The following ASPH variants were observed in gnomAD, a reference collection of about 807,000 sequenced individuals.
The protein encoded by ASPH is aspartate beta-hydroxylase.
ASPH carries 100 observed loss-of-function variants against 118.4 expected under a neutral mutation model. That is an observed-to-expected ratio of 0.84 (90% CI 0.72 to 1.00). The LOEUF is 1.00. Among genes scored for constraint, ASPH ranks in the 50% least tolerant of loss-of-function variants. The pLI, the probability that ASPH is intolerant of heterozygous loss-of-function variation, is 0.00. For missense variants in ASPH, 920 were observed against 919.5 expected (o/e 1.00, Z -0.01); for synonymous variants, 315 against 325.6 (o/e 0.97, Z 0.35).
chr8:61,691,652 G>C (rs1832679283), intron 1 of ASPH, among the ~76,000 whole-genome samples: 1 of 152,182 alleles, frequency 6.6e-6, no homozygotes, highest in Non-Finnish European at 1.5e-5. Flanking sequence ...AGCTTGGTAT[G>C]CTTTCATACT....
At chr8:61,610,528 G>A (rs543273796) in intron 14 of ASPH, among the ~76,000 whole-genome samples, 1 of 152,324 alleles carries the variant, frequency 6.6e-6, no homozygotes, top group Admixed American at 6.5e-5. Flanking sequence ...AACTGCTGGT[G>A]TATTTTAGGA....
chr8:61,667,006 G>A (rs1318014297), intron 3 of ASPH, among the ~76,000 whole-genome samples: 1 of 151,880 alleles, frequency 6.6e-6, no homozygotes, highest in African/African-American at 2.4e-5. Context: ...AAAATAAGAT[G>A]GTGAAAATTG....
chr8:61,539,981 C>T (rs1265304096), intron 21 of ASPH, among the ~76,000 whole-genome samples: 1 of 151,990 alleles, frequency 6.6e-6, no homozygotes, highest in East Asian at 1.9e-4. Context: ...AGATTTTAAT[C>T]CATTTTTGTT....
chr8:61,510,256 A>C (rs1228539860), intron 24 of ASPH, among the ~76,000 whole-genome samples: 1 of 152,204 alleles, frequency 6.6e-6, no homozygotes, highest in African/African-American at 2.4e-5. Flanking sequence ...TAATGAGGTT[A>C]TGTAAGTTGT....
At chr8:61,570,274 T>C (rs1039413525) in intron 16 of ASPH, among the ~76,000 whole-genome samples, 1 of 152,204 alleles carries the variant, frequency 6.6e-6, no homozygotes, top group Non-Finnish European at 1.5e-5. Flanking sequence ...AAGTACAGTT[T>C]CTACTGAATA....
chr8:61,679,372 C>T (rs1274530346), intron 3 of ASPH, among the ~76,000 whole-genome samples: 2 of 152,030 alleles, frequency 1.3e-5, no homozygotes, highest in Admixed American at 6.6e-5. Context: ...TTCAAAGTTA[C>T]AATTAATTAG....
At chr8:61,566,498 T>G (rs1391552958) in intron 17 of ASPH, among the ~76,000 whole-genome samples, 2 of 152,350 alleles carry the variant, frequency 1.3e-5, no homozygotes, top group African/African-American at 4.8e-5. Context: ...TCCATAAACT[T>G]TGTTGATAAG....
At chr8:61,696,399 G>A (rs917960659) in intron 1 of ASPH, among the ~76,000 whole-genome samples, 3 of 152,166 alleles carry the variant, frequency 2.0e-5, no homozygotes, top group African/African-American at 7.2e-5. Flanking sequence ...AGAATACCCA[G>A]CTAAGGAGCT....
chr8:61,547,322 T>G (rs910129802), intron 21 of ASPH, among the ~76,000 whole-genome samples: 1 of 152,232 alleles, frequency 6.6e-6, no homozygotes, highest in African/African-American at 2.4e-5. Context: ...TGCCACAGCA[T>G]TTTCTAACAA....
At chr8:61,569,998 G>T (rs995333407) in intron 16 of ASPH, among the ~76,000 whole-genome samples, 1 of 152,122 alleles carries the variant, frequency 6.6e-6, no homozygotes, top group Non-Finnish European at 1.5e-5. Flanking sequence ...GCAAAACACA[G>T]AGTTCTAGAC....
Position 61,681,025 on chromosome 8 carries a change from T to G in ASPH, c.265A>C (p.Ile89Leu). Residue 89 changes from isoleucine to leucine, a missense_variant, in exon 3 of 25, where the codon ATC becomes CTC. Physicochemically the swap from Ile to Leu is conservative, Grantham distance 5. Transcript: ENST00000379454. ...TCTCCATCACCATCAGCATCATAGA[T>G]TCCTAGTTTTCCTATAATAGGGCAG... is the stretch of plus-strand genomic sequence containing the variant. The part of the protein sequence containing the change: ...DYEEVLGKLG[I>L]YDADGDGDFD... The G allele has an allele frequency of 6.3e-7, 1 of 1,596,924 alleles. No individual in the cohort carries two copies. Among genetic ancestry groups the G allele is most frequent in the Non-Finnish European group, 8.5e-7 (1 of 1,171,784 alleles).
rs572222574 is a variant in ASPH, at chr8:61,645,491, A to G, written c.620-859T>C. On this transcript the variant is annotated intron_variant, in intron 6 of 24. Transcript: ENST00000379454. ...AGAGAAGAAGCAACAGGAAATGTGG[A>G]AATCATTTTATCAGTATCCCTACTC... Among the ~76,000 whole-genome samples, 6 of 152,350 alleles carry G rather than the reference A, an allele frequency of 3.9e-5. No homozygotes were observed. The South Asian group carries it at 1.0e-3, about 26-fold the overall frequency.
intron 6 of ASPH, 51 bp from the exon 7 acceptor site, chr8:61,644,683 G>A: frequency 7.1e-7 from 1 of 1,404,302 alleles, no homozygotes; most frequent in Non-Finnish European, 9.8e-7. Context: ...AAAATGGTAT[G>A]TATATATCCC....
At chr8:61,601,268 T>G (rs1179806578) in intron 14 of ASPH, among the ~76,000 whole-genome samples, 1 of 151,252 alleles carries the variant, frequency 6.6e-6, no homozygotes, top group Non-Finnish European at 1.5e-5. Flanking sequence ...CTAGACTCCC[T>G]GCAACAATAG....
chr8:61,590,835 T>C (rs1292397226), intron 14 of ASPH, among the ~76,000 whole-genome samples: 1 of 152,196 alleles, frequency 6.6e-6, no homozygotes, highest in Admixed American at 6.5e-5. Flanking sequence ...CCTTTATTTC[T>C]ACCAAAGAAT....
chr8:61,571,305 A>C (rs911614512), intron 16 of ASPH, among the ~76,000 whole-genome samples: 11 of 152,194 alleles, frequency 7.2e-5, no homozygotes, highest in Non-Finnish European at 1.6e-4. Context: ...CTGTGACATA[A>C]GGATATACAG....
At chr8:61,682,660 A>C (rs1160414161) in intron 2 of ASPH, among the ~76,000 whole-genome samples, 1 of 152,162 alleles carries the variant, frequency 6.6e-6, no homozygotes, top group Admixed American at 6.6e-5. Flanking sequence ...CTGTCAATCT[A>C]TCCAGAGACA....
At chr8:61,591,627 T>C (rs1236571410) in intron 14 of ASPH, among the ~76,000 whole-genome samples, 1 of 152,182 alleles carries the variant, frequency 6.6e-6, no homozygotes, top group Non-Finnish European at 1.5e-5. Flanking sequence ...ATGTTCTGAG[T>C]CACTGCTTAA....
rs943923813 is a variant in ASPH at position 61,503,362 on chromosome 8, A to T, written c.2274T>A (p.Ile758=). Residue 758 remains isoleucine (I), a synonymous_variant, in exon 25 of 25, where the codon ATT becomes ATA. Transcript: ENST00000379454. The stretch of plus-strand genomic sequence containing the variant: ...CCCAAGCTTGCATGAATTCATGCTA[A>T]ATTGCTGGAAGGCTGCGTCTCTGCT... ...TPQQRRSLPA[I] The T allele has an allele frequency of 6.2e-7, 1 of 1,603,144 alleles. No individual in the cohort carries two copies. Among genetic ancestry groups the T allele is most frequent in the Non-Finnish European group, 8.5e-7 (1 of 1,173,898 alleles).
Sources: gnomAD v4.1 joint callset for allele counts (sites outside exome capture counted in the v4.1 genomes callset) on GRCh38, gnomAD v4.1.1 for gene constraint, MANE v1.5 for transcripts, NCBI Gene and HGNC (gene_info 2026-07-23, HGNC 2026-07-21) for gene names.